The following SHISA9 variants were observed in gnomAD, a reference collection of about 807,000 sequenced individuals.
The protein encoded by SHISA9 is shisa family member 9, also known as protein shisa-9.
SHISA9 carries 13 observed loss-of-function variants against 38.0 expected under a neutral mutation model. That is an observed-to-expected ratio of 0.34 (90% CI 0.22 to 0.54). The LOEUF (loss-of-function observed/expected upper bound fraction) is 0.54, where lower values mean the gene tolerates loss of function less well. Among genes scored for constraint, SHISA9 ranks in the 20% least tolerant of loss-of-function variants. The pLI, the probability that SHISA9 is intolerant of heterozygous loss-of-function variation, is 0.91. For synonymous variants in SHISA9, 275 were observed against 242.0 expected (o/e 1.14, Z -1.27); for missense variants, 538 against 575.8 (o/e 0.93, Z 0.67).
intron 2 of SHISA9, among the ~76,000 whole-genome samples, chr16:13,166,133 A>G (rs562911451): frequency 2.0e-5 from 3 of 152,260 alleles, no homozygotes; most frequent in Admixed American, 1.3e-4. Context: ...ATTAACTTCC[A>G]TTTCATGGAT....
At chr16:13,415,892 G>T in the SHISA9 span, among the ~76,000 whole-genome samples, 1 of 151,792 alleles carries the variant, frequency 6.6e-6, no homozygotes, top group Non-Finnish European at 1.5e-5. Flanking sequence ...CATACTGGAA[G>T]ATTATATTTA....
chr16:13,096,257 T>G (rs2073825983), intron 2 of SHISA9, among the ~76,000 whole-genome samples: 1 of 152,206 alleles, frequency 6.6e-6, no homozygotes, highest in African/African-American at 2.4e-5. Flanking sequence ...GGTAGCTGGA[T>G]TATGTACTGA....
At chr16:13,418,717 C>T in the SHISA9 span, among the ~76,000 whole-genome samples, 1 of 152,208 alleles carries the variant, frequency 6.6e-6, no homozygotes, top group Non-Finnish European at 1.5e-5. Flanking sequence ...TTATTCACCT[C>T]CTGCATGAAT....
chr16:12,903,076 T>C (rs1028209713), intron 1 of SHISA9: 2 of 164,072 alleles, frequency 1.2e-5, no homozygotes, highest in East Asian at 1.8e-4. Flanking sequence ...CGAGCGCGCG[T>C]GTGTGAAGGA....
chr16:13,049,757 G>T (rs2073229423), intron 2 of SHISA9, among the ~76,000 whole-genome samples: 1 of 152,016 alleles, frequency 6.6e-6, no homozygotes, highest in Non-Finnish European at 1.5e-5. Context: ...AAAATGCCCT[G>T]ACATCACCCT....
At chr16:13,327,261 G>A in the SHISA9 span, among the ~76,000 whole-genome samples, 3 of 152,088 alleles carry the variant, frequency 2.0e-5, no homozygotes, top group Non-Finnish European at 4.4e-5. Flanking sequence ...CCATGACCTG[G>A]CATGAGTTGG....
chr16:13,433,537 T>TAATC, the SHISA9 span, among the ~76,000 whole-genome samples: 1 of 151,704 alleles, frequency 6.6e-6, no homozygotes, highest in Non-Finnish European at 1.5e-5. Flanking sequence ...TCAGAGAGAT[T>TAATC]AATGTGTTCA....
Position 13,237,103 on chromosome 16 carries a change from TG to T in SHISA9, c.*1696del, listed in dbSNP as rs1384177565. 1 of 152,188 alleles carries T rather than the reference TG, an allele frequency of 6.6e-6. No individual in the cohort carries two copies. Among genetic ancestry groups the T allele is most frequent in the Non-Finnish European group, 1.5e-5 (1 of 68,036 alleles). 9.4% of individuals were successfully genotyped at this position (152,188 alleles called of 1,614,324 possible). ...ACATTCAACAGACCCACAGCAACTC[TG>T]GTGTCAGAAGCTATAAATGGTCTGG... On this transcript the variant is annotated 3_prime_UTR_variant, in exon 5 of 5. Coordinates refer to ENST00000558583, the MANE Select transcript of SHISA9 (RefSeq NM_001145204.3).
At chr16:13,367,384 C>G in the SHISA9 span, among the ~76,000 whole-genome samples, 1 of 150,056 alleles carries the variant, frequency 6.7e-6, no homozygotes, top group Admixed American at 6.7e-5. Context: ...AGCTCTTACC[C>G]TGTATCAGTC....
the SHISA9 span, among the ~76,000 whole-genome samples, chr16:13,316,796 A>G: frequency 2.0e-5 from 3 of 152,188 alleles, no homozygotes; most frequent in Admixed American, 6.5e-5. Context: ...GCATAAATAT[A>G]CACCTCCTTC....
At chr16:13,169,164 A>G (rs967606766) in intron 2 of SHISA9, among the ~76,000 whole-genome samples, 1 of 152,152 alleles carries the variant, frequency 6.6e-6, no homozygotes, top group Non-Finnish European at 1.5e-5. Context: ...TACAGTTGTC[A>G]TGGGATCTTC....
the SHISA9 span, among the ~76,000 whole-genome samples, chr16:13,330,319 C>G: frequency 6.6e-6 from 1 of 152,168 alleles, no homozygotes; most frequent in Non-Finnish European, 1.5e-5. Context: ...CATCAAAGTG[C>G]TTTTAGATTT....
the SHISA9 span, among the ~76,000 whole-genome samples, chr16:13,560,890 GTCTC>G: frequency 3.9e-5 from 6 of 152,046 alleles, no homozygotes. Context: ...TTGAGACAGG[GTCTC>G]TCTCTGTCGC....
chr16:13,054,544 TTTCTA>T (rs1322860634), intron 2 of SHISA9, among the ~76,000 whole-genome samples: 4 of 152,224 alleles, frequency 2.6e-5, no homozygotes, highest in Non-Finnish European at 5.9e-5. Flanking sequence ...TGTCTTTAAC[TTTCTA>T]TTATAATCTC....
the SHISA9 span, among the ~76,000 whole-genome samples, chr16:13,251,276 C>G: frequency 1.3e-5 from 2 of 152,160 alleles, no homozygotes; most frequent in African/African-American, 4.8e-5. Context: ...GCCCCTCACC[C>G]CAACTCCTGT....
the SHISA9 span, among the ~76,000 whole-genome samples, chr16:13,252,126 C>T: frequency 3.3e-5 from 5 of 152,116 alleles, no homozygotes; most frequent in African/African-American, 9.7e-5. Flanking sequence ...TAAAACAAGC[C>T]CAAAAGACCT....
chr16:13,521,075 C>T, the SHISA9 span, among the ~76,000 whole-genome samples: 19 of 152,324 alleles, frequency 1.2e-4, no homozygotes, highest in East Asian at 3.3e-3. Flanking sequence ...ATTCTCTGAG[C>T]TCCACTGGTT....
chr16:12,983,403 C>T (rs2072265824), intron 2 of SHISA9, among the ~76,000 whole-genome samples: 1 of 152,172 alleles, frequency 6.6e-6, no homozygotes, highest in Non-Finnish European at 1.5e-5. Context: ...TCAGAAAATG[C>T]AGGGAAAGCA....
chr16:13,557,998 G>A, the SHISA9 span, among the ~76,000 whole-genome samples: 1 of 152,144 alleles, frequency 6.6e-6, no homozygotes, highest in South Asian at 2.1e-4. Context: ...TAATTGAAGG[G>A]TGTAGTGAGC....
Sources: gnomAD v4.1 joint callset for allele counts (sites outside exome capture counted in the v4.1 genomes callset) on GRCh38, gnomAD v4.1.1 for gene constraint, MANE v1.5 for transcripts, NCBI Gene and HGNC (gene_info 2026-07-23, HGNC 2026-07-21) for gene names.